Variants in TNN observed in about 807,000 individuals in gnomAD.
TNN encodes the protein tenascin N.
A neutral mutation model predicts 134.4 loss-of-function variants in TNN; 122 were observed. That is an observed-to-expected ratio of 0.91 (90% CI 0.78 to 1.06). The LOEUF (loss-of-function observed/expected upper bound fraction) is 1.06. Among genes scored for constraint, TNN ranks in the 50% least tolerant of loss-of-function variants. The pLI is 0.00. For missense variants in TNN, 1,739 were observed against 1,699.4 expected, an observed-to-expected ratio of 1.02 and a Z score of -0.41; for synonymous variants, 710 against 670.3, an observed-to-expected ratio of 1.06 and a Z score of -0.91.
At chr1:175,111,056 G>T (rs1409309493) in intron 9 of TNN, among the ~76,000 whole-genome samples, 1 of 151,810 alleles carries the variant, frequency 6.6e-6, no homozygotes, top group Non-Finnish European at 1.5e-5. Context: ...GGTAGCTCAC[G>T]CCTGTAATCC....
chr1:175,086,310 C>T (rs1674323411), intron 6 of TNN, among the ~76,000 whole-genome samples: 1 of 152,172 alleles, frequency 6.6e-6, no homozygotes, highest in Admixed American at 6.5e-5. Flanking sequence ...TAAAAGGTTA[C>T]AAATCAGTCA....
At chr1:175,086,730 A>C (rs1276501896) in intron 6 of TNN, among the ~76,000 whole-genome samples, 1 of 152,212 alleles carries the variant, frequency 6.6e-6, no homozygotes, top group Non-Finnish European at 1.5e-5. Context: ...GGGCATTTAT[A>C]ATGGAGAACA....
chr1:175,142,325 C>A (rs1261754582), intron 17 of TNN, among the ~76,000 whole-genome samples: 2 of 152,136 alleles, frequency 1.3e-5, no homozygotes, highest in African/African-American at 4.8e-5. Flanking sequence ...AGGACCTTCC[C>A]TTTTAACATA....
At position 175,144,624 on chromosome 1, in the gene TNN, C is replaced by A. The variant is rs996298712; in HGVS notation, c.3759+74C>A. The A allele has an allele frequency of 5.4e-6, 8 of 1,477,988 alleles. No individual in the cohort carries two copies. In the Admixed American group the frequency reaches 8.3e-5, roughly 15 times the overall value. The allele number at this position is 1,477,988 out of a possible 1,614,324, so 91.6% of individuals were successfully genotyped here. A position where few individuals can be genotyped will look rare whatever the true frequency, so the allele number is the denominator to read the frequency against. On this transcript the variant is annotated intron_variant, in intron 18 of 18. Coordinates refer to ENST00000239462, the MANE Select transcript of TNN (RefSeq NM_022093.2). ...AGCTTCCAAATGGACACCCTCCAGG[C>A]CAGTCTGGCAGCCCCTCTCCTTCTG... is the stretch of plus-strand genomic sequence containing the variant.
chr1:175,094,095 A>G lies in TNN; in HGVS notation c.1430A>G (p.Tyr477Cys). 3.1e-6 allele frequency: 5 copies of G among 1,614,212 alleles called. No individual in the cohort carries two copies. Among genetic ancestry groups the G allele is most frequent in the Non-Finnish European group, 4.2e-6 (5 of 1,180,032 alleles). The change falls in exon 7 of 19, where the codon TAC becomes TGC. Residue 477 changes from tyrosine to cysteine, a missense_variant. By Grantham distance (194) the Tyr-to-Cys change is radical (BLOSUM62 -2). Coordinates refer to ENST00000239462, the MANE Select transcript of TNN (RefSeq NM_022093.2). The part of the protein sequence containing the change: ...QAVIDKYVVR[Y>C]TSADGDTKEM... Reference sequence around the variant, plus strand: ...GTCATAGACAAGTATGTAGTGCGCTACACTTCTGCTGATGGGGACACCAAG... The same window carrying G: ...GTCATAGACAAGTATGTAGTGCGCTGCACTTCTGCTGATGGGGACACCAAG...
intron 12 of TNN, among the ~76,000 whole-genome samples, chr1:175,126,096 G>GTTTC (rs1336603848): frequency 1.2e-5 from 1 of 81,454 alleles, no homozygotes; most frequent in African/African-American, 5.4e-5. Flanking sequence ...ATAACTTTTT[G>GTTTC]TTTCTTTCTT....
chr1:175,125,729 C>A (rs1489526888), intron 12 of TNN, among the ~76,000 whole-genome samples: 1 of 111,944 alleles, frequency 8.9e-6, no homozygotes, highest in Non-Finnish European at 1.7e-5. Flanking sequence ...TTCTTTCTTT[C>A]TTTCTTTCTT....
At chr1:175,122,144 AC>A (rs1675393412) in intron 11 of TNN, among the ~76,000 whole-genome samples, 1 of 151,706 alleles carries the variant, frequency 6.6e-6, no homozygotes, top group African/African-American at 2.4e-5. Context: ...TAATCCCAGA[AC>A]TTTTGGAGGC....
chr1:175,075,630 A>T (rs1253254262), intron 1 of TNN, among the ~76,000 whole-genome samples: 1 of 152,226 alleles, frequency 6.6e-6, no homozygotes, highest in Non-Finnish European at 1.5e-5. Flanking sequence ...GATGAGGAAG[A>T]AAAGGAAGTC....
chr1:175,079,768 C>T, intron 3 of TNN, 61 bp downstream of exon 3: 1 of 1,507,058 alleles, frequency 6.6e-7, no homozygotes, highest in Non-Finnish European at 8.8e-7. Context: ...CCATTTAACC[C>T]TCAATTACAC....
chr1:175,091,131 G>C (rs1006133094), intron 6 of TNN, among the ~76,000 whole-genome samples: 12 of 152,262 alleles, frequency 7.9e-5, no homozygotes, highest in African/African-American at 2.7e-4. Context: ...CTATCATGGA[G>C]GTCCCATCTC....
At chr1:175,144,269 C>A (rs891836768) in intron 17 of TNN, 118 bp from the exon 18 acceptor site, 2 of 930,264 alleles carry the variant, frequency 2.1e-6, no homozygotes, top group Non-Finnish European at 3.3e-6. Context: ...CTACCTGTGA[C>A]ATGACTGGCT....
In TNN at chr1:175,097,404, C is replaced by T; in HGVS notation, c.1589-13C>T. ...GGTAAAGGCTACATTCTTCTTTCAT[C>T]TCTCTCTTAAAGAAATTGACAGCCC... On this transcript the variant is annotated splice_polypyrimidine_tract_variant and intron_variant, in intron 7 of 18. Coordinates refer to ENST00000239462, the MANE Select transcript of TNN (RefSeq NM_022093.2). 6.2e-7 allele frequency: 1 copy of T among 1,613,850 alleles called. No homozygotes were observed. The highest frequency in any genetic ancestry group is 8.5e-7 in the Non-Finnish European group (1 of 1,179,782).
Position 175,077,577 on chromosome 1 carries a change from T to G in TNN, c.159T>G (p.Ser53=), listed in dbSNP as rs1674076758. ...CCTACAAGATCGATGTGCCCAAGTC[T>G]GCCTTGGTTCAGGTTGACGCTGACC... ...SHTYKIDVPK[S]ALVQVDADPQ... is the part of the protein sequence containing the mutation. The change falls in exon 2 of 19, where the codon TCT becomes TCG. Residue 53 remains serine, a synonymous_variant. Transcript: ENST00000239462. 1 of 1,614,130 alleles carries G rather than the reference T, an allele frequency of 6.2e-7. No homozygotes were observed. The highest frequency in any genetic ancestry group is 1.1e-5 in the South Asian group (1 of 91,096).
At chr1:175,108,351 A>G (rs1674914038) in intron 9 of TNN, among the ~76,000 whole-genome samples, 1 of 152,236 alleles carries the variant, frequency 6.6e-6, no homozygotes, top group South Asian at 2.1e-4. Context: ...CTAGATATAA[A>G]GACTCTCCAC....
intron 9 of TNN, among the ~76,000 whole-genome samples, chr1:175,110,673 A>T (rs1364533879): frequency 1.3e-5 from 2 of 152,216 alleles, no homozygotes; most frequent in Non-Finnish European, 2.9e-5. Context: ...ATCAGTTGGC[A>T]GTAAATATGT....
At chr1:175,128,826 G>C in intron 15 of TNN, 80 bp downstream of exon 15, 2 of 1,400,638 alleles carry the variant, frequency 1.4e-6, no homozygotes, top group Non-Finnish European at 1.9e-6. Context: ...ATGCTCCATA[G>C]AGTGTTTGGA....
intron 7 of TNN, 74 bp from the exon 8 acceptor site, chr1:175,097,343 G>A (rs923093157): frequency 6.4e-6 from 10 of 1,567,646 alleles, no homozygotes; most frequent in Non-Finnish European, 8.7e-6. Flanking sequence ...TTATCACTTT[G>A]ACTGTGTTCG....
rs112462550 is a variant in TNN at position 175,077,318 on chromosome 1, T to TA, written c.-35-57dup. On this transcript the variant is annotated intron_variant, in intron 1 of 18. Coordinates refer to ENST00000239462, the MANE Select transcript of TNN (RefSeq NM_022093.2). ...GCTTCCTTGGGCTCTTAGAATCTGG[T>TA]AAAAAAAAAGCCAGCTTCCCTCAGC... 4,467 of 1,235,726 alleles carry TA rather than the reference T, an allele frequency of 3.6e-3. 10 individuals carry two copies. Among genetic ancestry groups the TA allele is most frequent in the South Asian group, 8.0e-3 (519 of 64,720 alleles). The allele number at this position is 1,235,726 out of a possible 1,614,324, so 76.5% of individuals were successfully genotyped here.
Sources: gnomAD v4.1 joint callset for allele counts (sites outside exome capture counted in the v4.1 genomes callset) on GRCh38, gnomAD v4.1.1 for gene constraint, MANE v1.5 for transcripts, NCBI Gene and HGNC (gene_info 2026-07-23, HGNC 2026-07-21) for gene names.